Variants in OR9Q1 observed in about 807,000 individuals in gnomAD.
OR9Q1 encodes olfactory receptor family 9 subfamily Q member 1.
For synonymous variants in OR9Q1, 153 were observed against 148.6 expected, an observed-to-expected ratio of 1.03 and a Z score of -0.22; for missense variants, 374 against 378.8, an observed-to-expected ratio of 0.99 and a Z score of 0.11.
chr11:58,037,673 ATATATATATATATAT>A (rs1343696148), intron 1 of OR9Q1, among the ~76,000 whole-genome samples: 3 of 8,440 alleles, frequency 3.6e-4, no homozygotes, highest in Non-Finnish European at 6.5e-4. Context: ...ATATATATAT[ATATATATATATATAT>A]ATTTTTTTTT....
intron 2 of OR9Q1, chr11:58,109,721 G>A (rs1853880967): frequency 2.7e-6 from 1 of 376,256 alleles, no homozygotes; most frequent in Admixed American, 3.4e-5. Flanking sequence ...CAGAACTAAA[G>A]GTCTTTGCTT....
chr11:58,103,595 T>G (rs1411954074), intron 2 of OR9Q1, among the ~76,000 whole-genome samples: 1 of 152,212 alleles, frequency 6.6e-6, no homozygotes, highest in African/African-American at 2.4e-5. Context: ...AAATTTCATT[T>G]TTTGAGATCT....
At chr11:58,060,697 G>A (rs1191265039) in intron 2 of OR9Q1, among the ~76,000 whole-genome samples, 1 of 152,226 alleles carries the variant, frequency 6.6e-6, no homozygotes, top group Non-Finnish European at 1.5e-5. Context: ...AAGTAGGGGG[G>A]TGTGGTGGCT....
intron 2 of OR9Q1, among the ~76,000 whole-genome samples, chr11:58,121,972 T>C (rs1732984602): frequency 6.6e-6 from 1 of 152,176 alleles, no homozygotes; most frequent in Non-Finnish European, 1.5e-5. Flanking sequence ...TAATTAGCTA[T>C]TTGCAGACTT....
chr11:58,111,614 G>T (rs372055612), intron 2 of OR9Q1, among the ~76,000 whole-genome samples: 7 of 152,080 alleles, frequency 4.6e-5, no homozygotes, highest in Admixed American at 3.9e-4. Flanking sequence ...AACGTTGAAG[G>T]TATGTAGCCA....
intron 2 of OR9Q1, among the ~76,000 whole-genome samples, chr11:58,078,901 G>A (rs1407948372): frequency 6.6e-6 from 1 of 152,160 alleles, no homozygotes; most frequent in Non-Finnish European, 1.5e-5. Context: ...TCTCAGAATT[G>A]GAAAAGACTT....
At chr11:58,061,601 G>A (rs764783010) in intron 2 of OR9Q1, among the ~76,000 whole-genome samples, 3 of 152,132 alleles carry the variant, frequency 2.0e-5, no homozygotes, top group Non-Finnish European at 4.4e-5. Flanking sequence ...CTAGCTCTTC[G>A]GCTTCCCAGC....
intron 2 of OR9Q1, among the ~76,000 whole-genome samples, chr11:58,120,487 A>G (rs947421765): frequency 2.6e-5 from 4 of 151,898 alleles, no homozygotes; most frequent in African/African-American, 9.7e-5. Context: ...TTTTTGGGGA[A>G]CAGTTGATAT....
chr11:58,081,529 A>T (rs1008365033), intron 2 of OR9Q1, among the ~76,000 whole-genome samples: 1 of 152,172 alleles, frequency 6.6e-6, no homozygotes, highest in African/African-American at 2.4e-5. Context: ...GTGAGATGTT[A>T]TCTCATTGTG....
At chr11:58,074,043 A>G (rs1853515415) in intron 2 of OR9Q1, among the ~76,000 whole-genome samples, 1 of 152,130 alleles carries the variant, frequency 6.6e-6, no homozygotes, top group Non-Finnish European at 1.5e-5. Flanking sequence ...TTCTTTATCT[A>G]GTCTATCATT....
chr11:58,045,184 A>C (rs929337803), intron 1 of OR9Q1: 8 of 152,182 alleles, frequency 5.3e-5, no homozygotes, highest in African/African-American at 1.9e-4. Context: ...TTCTGGTCCC[A>C]AGCAATTCGG....
intron 1 of OR9Q1, among the ~76,000 whole-genome samples, chr11:58,037,663 ATATATATATATATATATATATATAT>A (rs1357352874): frequency 4.2e-4 from 2 of 4,778 alleles, no homozygotes; most frequent in Non-Finnish European, 1.4e-3. Context: ...CTATATATAT[ATATATATATATATATATATATATAT>A]ATTTTTTTTT....
chr11:58,173,369 G>A (rs1313823955), intron 2 of OR9Q1, among the ~76,000 whole-genome samples: 1 of 142,230 alleles, frequency 7.0e-6, no homozygotes, highest in Non-Finnish European at 1.5e-5. Flanking sequence ...TCCCACCTAT[G>A]AGTGAGAACA....
chr11:58,124,502 G>A (rs1854069352), intron 2 of OR9Q1: 1 of 152,020 alleles, frequency 6.6e-6, no homozygotes, highest in African/African-American at 2.4e-5. Context: ...CCTTGGGGAG[G>A]GTGAAGGAGC....
Position 58,121,011 on chromosome 11 carries a change from T to C in OR9Q1, c.-14-58420T>C, listed in dbSNP as rs573602487. Among the ~76,000 whole-genome samples the C allele has an allele frequency of 3.9e-5, 6 of 152,122 alleles. No individual in the cohort carries two copies. The East Asian group carries it at 1.2e-3, about 29-fold the overall frequency. On this transcript the variant is annotated intron_variant, in intron 2 of 2. Coordinates refer to ENST00000335397, the MANE Select transcript of OR9Q1 (RefSeq NM_001005212.4). ...TCTCTATATTTTGACTACGGGTTGA[T>C]TCTACTATCAGTAATTTGTGTTTCT...
chr11:58,101,180 A>G (rs1565075864), intron 2 of OR9Q1, among the ~76,000 whole-genome samples: 2 of 151,976 alleles, frequency 1.3e-5, no homozygotes, highest in African/African-American at 2.4e-5. Flanking sequence ...TATATAAGAA[A>G]GAGTCTTGTT....
intron 2 of OR9Q1, among the ~76,000 whole-genome samples, chr11:58,099,851 CT>C (rs1459152992): frequency 6.6e-6 from 1 of 152,014 alleles, no homozygotes; most frequent in Non-Finnish European, 1.5e-5. Flanking sequence ...TTTAGCTTGT[CT>C]TTTGGCTTTT....
chr11:58,119,347 CT>C (rs1360065476), intron 2 of OR9Q1: 1 of 1,613,892 alleles, frequency 6.2e-7, no homozygotes, highest in Admixed American at 1.7e-5. Flanking sequence ...TAGGTAGAAA[CT>C]CAGAAACACC....
rs373987736 is a variant in OR9Q1 at position 58,178,310 on chromosome 11, T to A, written c.-14-1121T>A. 5.9e-5 allele frequency among the ~76,000 whole-genome samples: 9 copies of A among 152,204 alleles called. 1 individual carries two copies. The highest frequency in any genetic ancestry group is 4.1e-4 in the South Asian group (2 of 4,828). ...GTGGTGGACATCTAGTTACTCTGATTTGATCTTTACAAATTATATGGATGC... is the reference window on the plus strand; with the variant it reads ...GTGGTGGACATCTAGTTACTCTGATATGATCTTTACAAATTATATGGATGC... On this transcript the variant is annotated intron_variant, in intron 2 of 2. Transcript: ENST00000335397.
Sources: gnomAD v4.1 joint callset for allele counts (sites outside exome capture counted in the v4.1 genomes callset) on GRCh38, gnomAD v4.1.1 for gene constraint, MANE v1.5 for transcripts, NCBI Gene and HGNC (gene_info 2026-07-23, HGNC 2026-07-21) for gene names.